Variants in ZSCAN25 observed in about 807,000 individuals in gnomAD.
ZSCAN25 encodes zinc finger and SCAN domain-containing protein 25.
In ZSCAN25, 27 loss-of-function variants were observed where a neutral mutation model predicts 38.7. The observed-to-expected ratio is 0.70, with a 90% CI of 0.51 to 0.96. The LOEUF (loss-of-function observed/expected upper bound fraction) is 0.96, where lower values mean the gene tolerates loss of function less well. ZSCAN25 is among the 40% of genes least tolerant of loss of function. ZSCAN25 has a pLI of 0.00. For synonymous variants in ZSCAN25, 273 were observed against 277.7 expected, an observed-to-expected ratio of 0.98 and a Z score of 0.17; for missense variants, 637 against 705.9, an observed-to-expected ratio of 0.90 and a Z score of 1.11.
At chr7:99,708,629 C>A in the ZSCAN25 span, among the ~76,000 whole-genome samples, 16 of 152,116 alleles carry the variant, frequency 1.1e-4, no homozygotes, top group African/African-American at 3.9e-4. Context: ...CTATCTGTTG[C>A]ACTAACCTAT....
At chr7:99,716,035 T>G in the ZSCAN25 span, 1 of 1,563,130 alleles carries the variant, frequency 6.4e-7, no homozygotes, top group South Asian at 1.1e-5. Context: ...AACTATTTAC[T>G]GGAGCATCTC....
At chr7:99,653,431 G>A in the ZSCAN25 span, among the ~76,000 whole-genome samples, 19 of 148,306 alleles carry the variant, frequency 1.3e-4, no homozygotes, top group Non-Finnish European at 2.5e-4. The surrounding 1 kb of genome is among the most constrained non-coding windows in gnomAD (Gnocchi z 4.2). Context: ...AGCTTGGGTC[G>A]TAGAGTCAGA....
At chr7:99,719,728 C>G in the ZSCAN25 span, among the ~76,000 whole-genome samples, 1 of 152,184 alleles carries the variant, frequency 6.6e-6, no homozygotes, top group Non-Finnish European at 1.5e-5. Flanking sequence ...GGGTCTGCAT[C>G]TTGATCATGC....
the ZSCAN25 span, among the ~76,000 whole-genome samples, chr7:99,699,014 A>C: frequency 7.2e-5 from 11 of 152,162 alleles, no homozygotes; most frequent in African/African-American, 1.2e-4. Context: ...GCCTCCACTA[A>C]CCACAGTGGA....
At chr7:99,685,201 T>A in the ZSCAN25 span, 2 of 1,613,648 alleles carry the variant, frequency 1.2e-6, no homozygotes, top group African/African-American at 2.7e-5. Context: ...TTTTTCTGGT[T>A]GAAGAAGTCC....
the ZSCAN25 span, among the ~76,000 whole-genome samples, chr7:99,686,694 G>A: frequency 6.6e-6 from 1 of 152,168 alleles, no homozygotes; most frequent in Non-Finnish European, 1.5e-5. Flanking sequence ...ATCTGAGAAC[G>A]GGCAGGCTGC....
At chr7:99,700,298 C>T in the ZSCAN25 span, among the ~76,000 whole-genome samples, 122 of 152,292 alleles carry the variant, frequency 8.0e-4, 1 homozygote, top group Admixed American at 3.1e-3. Context: ...AGGGAGTCCA[C>T]GGAACCTGAG....
At chr7:99,707,600 C>G in the ZSCAN25 span, among the ~76,000 whole-genome samples, 3 of 152,162 alleles carry the variant, frequency 2.0e-5, no homozygotes, top group Non-Finnish European at 2.9e-5. Context: ...TCATGCTAGT[C>G]TACATTGACA....
At chr7:99,712,319 T>C in the ZSCAN25 span, among the ~76,000 whole-genome samples, 1 of 152,222 alleles carries the variant, frequency 6.6e-6, no homozygotes, top group Non-Finnish European at 1.5e-5. Context: ...CTAATAATTG[T>C]ATTCTGTTAC....
At chr7:99,662,534 G>T in the ZSCAN25 span, among the ~76,000 whole-genome samples, 1 of 152,124 alleles carries the variant, frequency 6.6e-6, no homozygotes, top group Non-Finnish European at 1.5e-5. The surrounding 1 kb of genome is among the most constrained non-coding windows in gnomAD (Gnocchi z 4.3). Flanking sequence ...TCTGGAGGAG[G>T]CTGAGAACTG....
the ZSCAN25 span, among the ~76,000 whole-genome samples, chr7:99,706,810 C>A: frequency 2.0e-5 from 3 of 152,228 alleles, no homozygotes; most frequent in East Asian, 3.8e-4. Flanking sequence ...GCATATCACT[C>A]CTTAAACATT....
At chr7:99,623,624 T>A (rs747220375) in intron 6 of ZSCAN25, among the ~76,000 whole-genome samples, 3 of 152,246 alleles carry the variant, frequency 2.0e-5, no homozygotes, top group Non-Finnish European at 4.4e-5. Flanking sequence ...GGATGTACTT[T>A]GGAGGGGATG....
the ZSCAN25 span, chr7:99,695,795 G>A: frequency 3.7e-6 from 6 of 1,613,730 alleles, no homozygotes; most frequent in East Asian, 1.3e-4. Flanking sequence ...TGTGGGCCCT[G>A]GAATGCCAAG....
intron 7 of ZSCAN25, among the ~76,000 whole-genome samples, chr7:99,625,309 G>T (rs1807375596): frequency 1.3e-5 from 2 of 152,204 alleles, no homozygotes; most frequent in Admixed American, 6.5e-5. Context: ...AGGGATTCTT[G>T]TAGGAGCCCT....
At chr7:99,652,550 T>C in the ZSCAN25 span, 1 of 1,598,082 alleles carries the variant, frequency 6.3e-7, no homozygotes, top group Admixed American at 1.7e-5. Flanking sequence ...TGGAGACTTG[T>C]ACCTTTCAGG....
the ZSCAN25 span, chr7:99,695,647 A>G: frequency 1.0e-6 from 1 of 1,002,770 alleles, no homozygotes; most frequent in Non-Finnish European, 1.5e-6. Flanking sequence ...AAAGTGTAAA[A>G]CCTCAGACCT....
At chr7:99,655,848 A>G in the ZSCAN25 span, among the ~76,000 whole-genome samples, 1 of 152,138 alleles carries the variant, frequency 6.6e-6, no homozygotes, top group African/African-American at 2.4e-5. Flanking sequence ...GCAATTGTGA[A>G]TGGGAGTTCA....
chr7:99,660,214 CTTTTTTTTTTTTTTTTTTT>C, the ZSCAN25 span: 3 of 429,454 alleles, frequency 7.0e-6, no homozygotes, highest in African/African-American at 9.7e-5. Context: ...CGCCACACTC[CTTTTTTTTTTTTTTTTTTT>C]TTTTTTTTTT....
chr7:99,623,595 C>G (rs1369991961), intron 6 of ZSCAN25, among the ~76,000 whole-genome samples: 1 of 152,238 alleles, frequency 6.6e-6, no homozygotes, highest in Non-Finnish European at 1.5e-5. Context: ...AGCATCATTT[C>G]CCTTTTCCTG....
Sources: allele counts gnomAD v4.1 joint callset (sites outside exome capture counted in the v4.1 genomes callset), GRCh38; gene constraint gnomAD v4.1.1; non-coding constraint Gnocchi (gnomAD v3.1); transcripts MANE v1.5; gene names NCBI Gene and HGNC (gene_info 2026-07-23, HGNC 2026-07-21).